Variants in PRCP observed in about 807,000 individuals in gnomAD.
PRCP encodes lysosomal Pro-X carboxypeptidase.
In PRCP, 46 loss-of-function variants were observed where a neutral mutation model predicts 54.2. That is an observed-to-expected ratio of 0.85 (90% CI 0.67 to 1.09). The LOEUF (loss-of-function observed/expected upper bound fraction) is 1.09. Ranked by LOEUF, PRCP falls within the 50% of genes least tolerant of loss-of-function variation. PRCP has a pLI of 0.00. For synonymous variants in PRCP, 240 were observed against 212.2 expected, an observed-to-expected ratio of 1.13 and a Z score of -1.14; for missense variants, 613 against 596.8, an observed-to-expected ratio of 1.03 and a Z score of -0.28.
At chr11:82,831,836 C>T (rs1320769843) in intron 8 of PRCP, among the ~76,000 whole-genome samples, 1 of 152,092 alleles carries the variant, frequency 6.6e-6, no homozygotes. Context: ...CTGTCATCTA[C>T]ATTAGGTATT....
chr11:82,851,484 G>A (rs2121147223), intron 3 of PRCP, among the ~76,000 whole-genome samples: 2 of 149,170 alleles, frequency 1.3e-5, no homozygotes, highest in South Asian at 4.4e-4. Context: ...TATCTCGTAT[G>A]TGAGTAATCC....
chr11:82,870,211 A>G (rs553944687), intron 1 of PRCP, among the ~76,000 whole-genome samples: 1 of 152,396 alleles, frequency 6.6e-6, no homozygotes, highest in South Asian at 2.1e-4. Context: ...GTTCAGCAGC[A>G]TACTAGTGTT....
chr11:82,835,958 C>A (rs368016483), intron 8 of PRCP: 1 of 294,238 alleles, frequency 3.4e-6, no homozygotes, highest in East Asian at 9.9e-5. Context: ...TTTGGGAGGC[C>A]GAGTCAGGTG....
At chr11:82,883,898 G>A (rs1859808137) in intron 1 of PRCP, among the ~76,000 whole-genome samples, 1 of 152,148 alleles carries the variant, frequency 6.6e-6, no homozygotes, top group African/African-American at 2.4e-5. Context: ...GTCTGCACTG[G>A]TCACTGTCAT....
At chr11:82,884,410 T>G (rs190633389) in intron 1 of PRCP, among the ~76,000 whole-genome samples, 63 of 152,110 alleles carry the variant, frequency 4.1e-4, no homozygotes, top group South Asian at 1.9e-3. Context: ...AATACAAAAA[T>G]TAGCCAGGCA....
At position 82,824,958 on chromosome 11, in the gene PRCP, T is replaced by G. The variant is rs759180366; in HGVS notation, c.1439A>C (p.His480Pro). The change falls in exon 9 of 9, where the codon CAT becomes CCT. Residue 480 changes from histidine (H) to proline (P), a missense_variant. Transcript: ENST00000313010. ...GAAATCTCTGATCCAATTCTTCATA[T>G]GTCTAACTTCCAAGGAGCGGGCTAA... is the stretch of plus-strand genomic sequence containing the variant. The part of the protein sequence containing the change: ...VLLARSLEVR[H>P]MKNWIRDFYD... 4 of 1,614,034 alleles carry G rather than the reference T, an allele frequency of 2.5e-6. No individual in the cohort carries two copies. In the African/African-American group the frequency reaches 5.3e-5, roughly 22 times the overall value.
At chr11:82,886,484 T>G (rs1859867381) in intron 1 of PRCP, among the ~76,000 whole-genome samples, 2 of 152,090 alleles carry the variant, frequency 1.3e-5, no homozygotes, top group African/African-American at 2.4e-5. Flanking sequence ...GGGTCTTGCT[T>G]TCTTGCTCAT....
At chr11:82,885,035 G>C (rs1271870403) in intron 1 of PRCP, 1 of 1,265,336 alleles carries the variant, frequency 7.9e-7, no homozygotes, top group Non-Finnish European at 1.0e-6. Context: ...AATTTGTTCT[G>C]AGTGGTCACT....
intron 2 of PRCP, among the ~76,000 whole-genome samples, chr11:82,857,344 A>T (rs1041598092): frequency 3.3e-4 from 51 of 152,348 alleles, no homozygotes; most frequent in African/African-American, 1.2e-3. Flanking sequence ...GATTACCCCC[A>T]TTTTATAGAC....
chr11:82,890,578 G>C (rs1859982690), intron 1 of PRCP, among the ~76,000 whole-genome samples: 1 of 151,970 alleles, frequency 6.6e-6, no homozygotes, highest in African/African-American at 2.4e-5. Flanking sequence ...CTTAAAAATG[G>C]GAACCCTCTC....
intron 1 of PRCP, chr11:82,899,909 T>C (rs1860217881): frequency 1.8e-5 from 5 of 276,034 alleles, no homozygotes; most frequent in African/African-American, 4.5e-5. Flanking sequence ...CATTTAATAA[T>C]TTGAATTTGA....
chr11:82,900,540 C>T, upstream of PRCP: 2 of 1,248,780 alleles, frequency 1.6e-6, no homozygotes, highest in Non-Finnish European at 2.3e-6. Context: ...AGCCAGCCAG[C>T]TCCTCAGAGA....
At chr11:82,867,829 C>A (rs1219220207) in intron 1 of PRCP, among the ~76,000 whole-genome samples, 1 of 152,106 alleles carries the variant, frequency 6.6e-6, no homozygotes, top group Non-Finnish European at 1.5e-5. Context: ...CTCAGGCGAT[C>A]CTCCTTCCTA....
chr11:82,825,116 A>T lies in PRCP; in HGVS notation c.1281T>A (p.Gly427=). The change falls in exon 9 of 9, where the codon GGT becomes GGA. Residue 427 remains glycine, a synonymous_variant. Transcript: ENST00000313010. ...SSHTNIVFSN[G]ELDPWSGGGV... The stretch of plus-strand genomic sequence containing the variant: ...CACCTCCTGACCAGGGGTCTAGTTC[A>T]CCATTGCTGCAAGTGAAAAAAAGAA... 1 of 1,612,756 alleles carries T rather than the reference A, an allele frequency of 6.2e-7. No individual in the cohort carries two copies. Among genetic ancestry groups the T allele is most frequent in the South Asian group, 1.1e-5 (1 of 90,720 alleles).
At chr11:82,900,044 T>G (rs1860224435) in intron 1 of PRCP, 191 bp downstream of exon 1, 1 of 679,744 alleles carries the variant, frequency 1.5e-6, no homozygotes, top group East Asian at 2.9e-5. Context: ...ACCAAATTAT[T>G]GGTAATGGGA....
intron 1 of PRCP, among the ~76,000 whole-genome samples, chr11:82,867,179 A>G (rs1011969254): frequency 6.6e-6 from 1 of 152,254 alleles, no homozygotes; most frequent in African/African-American, 2.4e-5. Flanking sequence ...TATAAATTCA[A>G]TAATGGTATA....
intron 1 of PRCP, among the ~76,000 whole-genome samples, chr11:82,890,753 C>G (rs765423602): frequency 6.6e-6 from 1 of 152,212 alleles, no homozygotes; most frequent in African/African-American, 2.4e-5. Context: ...GTCAAGGTCA[C>G]CATAACCTCC....
chr11:82,880,319 T>A (rs1406134161), intron 1 of PRCP, among the ~76,000 whole-genome samples: 1 of 152,228 alleles, frequency 6.6e-6, no homozygotes, highest in Non-Finnish European at 1.5e-5. Context: ...CGAGGCTCTG[T>A]GGGTGTGGGA....
chr11:82,880,393 CA>C (rs1859718691), intron 1 of PRCP, among the ~76,000 whole-genome samples: 1 of 152,186 alleles, frequency 6.6e-6, no homozygotes, highest in Non-Finnish European at 1.5e-5. Context: ...ATTGGAAAAG[CA>C]CAGTATTAGG....
Sources: gnomAD v4.1 joint callset for allele counts (sites outside exome capture counted in the v4.1 genomes callset) on GRCh38, gnomAD v4.1.1 for gene constraint, MANE v1.5 for transcripts, NCBI Gene and HGNC (gene_info 2026-07-23, HGNC 2026-07-21) for gene names.